C8orf34: variants seen among roughly 807,000 people sequenced by gnomAD.
C8orf34 encodes the protein uncharacterized protein C8orf34.
C8orf34 carries 65 observed loss-of-function variants against 68.3 expected under a neutral mutation model. That is an observed-to-expected ratio of 0.95 (90% CI 0.78 to 1.17). The LOEUF (loss-of-function observed/expected upper bound fraction) is 1.17. Among genes scored for constraint, C8orf34 ranks in the 50% most tolerant of loss-of-function variants. C8orf34 has a pLI of 0.00. For missense variants in C8orf34, 664 were observed against 655.4 expected (o/e 1.01, Z -0.14); for synonymous variants, 244 against 241.2 (o/e 1.01, Z -0.11).
intron 4 of C8orf34, among the ~76,000 whole-genome samples, chr8:68,471,504 C>A (rs1489636526): frequency 6.6e-6 from 1 of 152,150 alleles, no homozygotes; most frequent in African/African-American, 2.4e-5. Context: ...GGCATTCCTA[C>A]TTCCTCCAAC....
chr8:68,631,216 C>T (rs1284137152), intron 7 of C8orf34, among the ~76,000 whole-genome samples: 1 of 151,850 alleles, frequency 6.6e-6, no homozygotes, highest in Admixed American at 6.6e-5. Context: ...GAGCCGAGAT[C>T]ATGCCACTGC....
intron 8 of C8orf34, among the ~76,000 whole-genome samples, chr8:68,656,428 A>G (rs1215458407): frequency 6.6e-6 from 1 of 152,222 alleles, no homozygotes; most frequent in East Asian, 1.9e-4. Flanking sequence ...TAATGTCTAC[A>G]TACAGGTAAT....
chr8:68,520,127 A>G (rs550493558), intron 5 of C8orf34, among the ~76,000 whole-genome samples: 37 of 152,314 alleles, frequency 2.4e-4, no homozygotes, highest in African/African-American at 8.7e-4. Context: ...TGTGAGGGAT[A>G]TAAGTATAGA....
At chr8:68,598,973 T>C (rs192570413) in intron 7 of C8orf34, among the ~76,000 whole-genome samples, 13 of 151,072 alleles carry the variant, frequency 8.6e-5, no homozygotes, top group African/African-American at 3.2e-4. Flanking sequence ...AAACCAGAGG[T>C]AAAAGAGAAT....
At chr8:68,718,203 G>A (rs546185197) in intron 9 of C8orf34, among the ~76,000 whole-genome samples, 1 of 152,008 alleles carries the variant, frequency 6.6e-6, no homozygotes, top group East Asian at 1.9e-4. Flanking sequence ...TGGATTATAT[G>A]CTGCTTGAAG....
At chr8:68,815,969 T>C (rs1278332588) in intron 13 of C8orf34, 24 bp downstream of exon 13, 1 of 1,613,618 alleles carries the variant, frequency 6.2e-7, no homozygotes, top group Non-Finnish European at 8.5e-7. Flanking sequence ...GGGCACTTAA[T>C]ATCGATGTCG....
chr8:68,502,699 G>A (rs576907357), intron 5 of C8orf34, among the ~76,000 whole-genome samples: 12 of 152,136 alleles, frequency 7.9e-5, no homozygotes, highest in East Asian at 7.7e-4. Context: ...TTCTCTTTAC[G>A]GAAGTATTCC....
At chr8:68,741,346 C>T (rs910849726) in intron 10 of C8orf34, among the ~76,000 whole-genome samples, 16 of 151,832 alleles carry the variant, frequency 1.1e-4, no homozygotes, top group Middle Eastern at 6.8e-3. Context: ...TTTGTGGGTA[C>T]ATTGGTGGAT....
chr8:68,762,922 A>G (rs150366280), intron 10 of C8orf34, among the ~76,000 whole-genome samples: 2 of 152,306 alleles, frequency 1.3e-5, no homozygotes, highest in African/African-American at 4.8e-5. Context: ...GAGACTAGGA[A>G]CATCATCGCA....
chr8:68,515,080 T>C (rs1563499280), intron 5 of C8orf34, among the ~76,000 whole-genome samples: 1 of 152,192 alleles, frequency 6.6e-6, no homozygotes, highest in Non-Finnish European at 1.5e-5. Context: ...TTATTTTAAT[T>C]AGCTAGATTA....
chr8:68,772,831 T>TTTTC (rs373492193), intron 10 of C8orf34, among the ~76,000 whole-genome samples: 1 of 147,400 alleles, frequency 6.8e-6, no homozygotes, highest in Non-Finnish European at 1.5e-5. Flanking sequence ...TCTGTCTTTC[T>TTTTC]TTTCTTTCTT....
intron 11 of C8orf34, among the ~76,000 whole-genome samples, chr8:68,783,339 GA>G (rs966795604): frequency 6.6e-6 from 1 of 151,912 alleles, no homozygotes; most frequent in Non-Finnish European, 1.5e-5. Flanking sequence ...CCAACATGGT[GA>G]AACCCCGTCT....
intron 1 of C8orf34, among the ~76,000 whole-genome samples, chr8:68,420,446 C>A (rs567163452): frequency 4.6e-5 from 7 of 152,168 alleles, no homozygotes; most frequent in African/African-American, 7.2e-5. Context: ...AGGTACCAGG[C>A]GCTACTTTCT....
At chr8:68,688,998 A>T (rs1276444040) in intron 8 of C8orf34, among the ~76,000 whole-genome samples, 2 of 152,086 alleles carry the variant, frequency 1.3e-5, no homozygotes, top group Non-Finnish European at 2.9e-5. Context: ...AAAATACAAA[A>T]CAAAACAAAA....
chr8:68,331,712 T>C (rs1805601481), intron 1 of C8orf34, among the ~76,000 whole-genome samples: 1 of 150,854 alleles, frequency 6.6e-6, no homozygotes, highest in South Asian at 2.1e-4. Context: ...ACACGCACAC[T>C]TTCTTTTTTG....
intron 7 of C8orf34, among the ~76,000 whole-genome samples, chr8:68,549,437 G>T (rs1006120625): frequency 6.6e-6 from 1 of 151,690 alleles, no homozygotes; most frequent in African/African-American, 2.4e-5. Flanking sequence ...GGGAGTGAGG[G>T]ATTGACTTGA....
At chr8:68,466,802 T>G (rs1438713963) in intron 3 of C8orf34, among the ~76,000 whole-genome samples, 7 of 148,094 alleles carry the variant, frequency 4.7e-5, no homozygotes, top group African/African-American at 1.8e-4. Flanking sequence ...TTACCAGACA[T>G]AAGATTGCTA....
At chr8:68,358,351 CTGT>C (rs1441169134) in intron 1 of C8orf34, among the ~76,000 whole-genome samples, 1 of 151,968 alleles carries the variant, frequency 6.6e-6, no homozygotes, top group Non-Finnish European at 1.5e-5. Flanking sequence ...TTTGCACAGT[CTGT>C]TTTCTTCTCT....
intron 10 of C8orf34, among the ~76,000 whole-genome samples, chr8:68,731,905 G>A (rs186753246): frequency 3.5e-4 from 54 of 152,360 alleles, no homozygotes; most frequent in Non-Finnish European, 5.9e-4. Context: ...CATTGGGATT[G>A]GTGACAGAAA....
Sources: gnomAD v4.1 joint callset for allele counts (sites outside exome capture counted in the v4.1 genomes callset) on GRCh38, gnomAD v4.1.1 for gene constraint, MANE v1.5 for transcripts, NCBI Gene and HGNC (gene_info 2026-07-23, HGNC 2026-07-21) for gene names.